The following PPP2R2B variants were observed in gnomAD, a reference collection of about 807,000 sequenced individuals.
The protein encoded by PPP2R2B is protein phosphatase 2 regulatory subunit Bbeta.
In PPP2R2B, 5 loss-of-function variants were observed where a neutral mutation model predicts 46.0. The ratio of observed to expected loss-of-function variants is 0.11; its 90% CI spans 0.06 to 0.23. PPP2R2B has a LOEUF of 0.23. PPP2R2B is among the 10% of genes least tolerant of loss of function. The pLI, the probability that PPP2R2B is intolerant of heterozygous loss-of-function variation, is 1.00. For synonymous variants in PPP2R2B, 215 were observed against 206.7 expected (o/e 1.04, Z -0.34); for missense variants, 367 against 575.0 (o/e 0.64, Z 3.70).
chr5:147,000,649 T>C (rs1482447452), intron 1 of PPP2R2B, among the ~76,000 whole-genome samples: 3 of 83,786 alleles, frequency 3.6e-5, no homozygotes, highest in Admixed American at 9.5e-5. Context: ...GGTGCAAAAG[T>C]AATTGTGGAT....
chr5:146,820,254 C>A (rs1758176121), intron 2 of PPP2R2B, among the ~76,000 whole-genome samples: 1 of 152,074 alleles, frequency 6.6e-6, no homozygotes, highest in Non-Finnish European at 1.5e-5. Flanking sequence ...ATGTTAATTA[C>A]CCTCATTTGA....
intron 2 of PPP2R2B, among the ~76,000 whole-genome samples, chr5:147,074,483 C>G (rs1757700571): frequency 6.6e-6 from 1 of 152,124 alleles, no homozygotes; most frequent in Non-Finnish European, 1.5e-5. Context: ...AACTAAACAT[C>G]TAAACATCTA....
chr5:146,844,261 C>G (rs368857856), intron 2 of PPP2R2B, among the ~76,000 whole-genome samples: 8 of 149,390 alleles, frequency 5.4e-5, no homozygotes, highest in Admixed American at 2.0e-4. Context: ...CTAGATGACA[C>G]GTTAGTGGGT....
At chr5:146,845,964 A>G (rs1455840628) in intron 2 of PPP2R2B, among the ~76,000 whole-genome samples, 1 of 152,236 alleles carries the variant, frequency 6.6e-6, no homozygotes, top group Non-Finnish European at 1.5e-5. Flanking sequence ...AATGTGCTGT[A>G]AGAGTAAAAT....
At chr5:146,868,167 A>G (rs996728888) in intron 2 of PPP2R2B, among the ~76,000 whole-genome samples, 2 of 152,226 alleles carry the variant, frequency 1.3e-5, no homozygotes, top group African/African-American at 4.8e-5. Context: ...TGTCTCCAGC[A>G]TTCATGCTGC....
At chr5:146,951,383 T>G (rs1751583940) in intron 1 of PPP2R2B, among the ~76,000 whole-genome samples, 1 of 151,938 alleles carries the variant, frequency 6.6e-6, no homozygotes, top group African/African-American at 2.4e-5. Flanking sequence ...AGTGTATATG[T>G]GCAGGATGTG....
intron 7 of PPP2R2B, among the ~76,000 whole-genome samples, chr5:146,626,823 T>C (rs541244968): frequency 1.7e-4 from 26 of 152,276 alleles, no homozygotes; most frequent in Admixed American, 5.9e-4. Context: ...GGGCAAGACC[T>C]GGGAAGGTGT....
chr5:146,745,693 C>T (rs1753146945), intron 2 of PPP2R2B, among the ~76,000 whole-genome samples: 1 of 152,140 alleles, frequency 6.6e-6, no homozygotes, highest in Non-Finnish European at 1.5e-5. Flanking sequence ...GTGGTGGTGG[C>T]TCACGCCTGT....
chr5:146,746,372 G>T (rs934977080), intron 2 of PPP2R2B, among the ~76,000 whole-genome samples: 2 of 77,200 alleles, frequency 2.6e-5, no homozygotes, highest in Admixed American at 3.0e-4. Context: ...ACAGCTTTTG[G>T]ACTGGGAGTT....
At chr5:146,998,936 C>G (rs538596877) in intron 1 of PPP2R2B, among the ~76,000 whole-genome samples, 1 of 148,602 alleles carries the variant, frequency 6.7e-6, no homozygotes, top group Non-Finnish European at 1.5e-5. Flanking sequence ...AGAGCGGGAA[C>G]CCGGGAGGCG....
chr5:146,771,471 G>C (rs1754851259), intron 2 of PPP2R2B, among the ~76,000 whole-genome samples: 1 of 152,108 alleles, frequency 6.6e-6, no homozygotes, highest in Admixed American at 6.5e-5. Context: ...TACTCAGATT[G>C]GGCTAAAATT....
At chr5:146,779,894 G>A (rs1755405001) in intron 2 of PPP2R2B, among the ~76,000 whole-genome samples, 1 of 152,120 alleles carries the variant, frequency 6.6e-6, no homozygotes, top group African/African-American at 2.4e-5. Context: ...ATGAAGCTGG[G>A]GATGAAGGTG....
intron 8 of PPP2R2B, among the ~76,000 whole-genome samples, chr5:146,594,640 T>C (rs1444179): frequency 6.6e-6 from 1 of 151,970 alleles, no homozygotes; most frequent in Non-Finnish European, 1.5e-5. Flanking sequence ...CACAGAGATA[T>C]GACATCATTT....
chr5:146,778,812 A>C (rs1372070996), intron 2 of PPP2R2B, among the ~76,000 whole-genome samples: 1 of 152,220 alleles, frequency 6.6e-6, no homozygotes, highest in African/African-American at 2.4e-5. Flanking sequence ...TCTAATCAAC[A>C]CATCTGTGCT....
intron 1 of PPP2R2B, among the ~76,000 whole-genome samples, chr5:146,990,943 C>T (rs779343901): frequency 3.9e-5 from 6 of 151,964 alleles, no homozygotes; most frequent in African/African-American, 9.6e-5. Context: ...AGAAGGTATA[C>T]GAATGGCCAA....
At chr5:146,705,254 C>T (rs1332926407) in intron 2 of PPP2R2B, among the ~76,000 whole-genome samples, 2 of 152,222 alleles carry the variant, frequency 1.3e-5, no homozygotes, top group Non-Finnish European at 2.9e-5. Context: ...TCTGCCTACT[C>T]AATACCTGGC....
intron 7 of PPP2R2B, among the ~76,000 whole-genome samples, chr5:146,621,916 C>A (rs1773730675): frequency 6.6e-6 from 1 of 152,150 alleles, no homozygotes. Context: ...GAGTAAGAGG[C>A]CTTTCCATCT....
upstream of PPP2R2B, among the ~76,000 whole-genome samples, chr5:146,883,280 G>C (rs1270014122): frequency 6.6e-6 from 1 of 152,188 alleles, no homozygotes; most frequent in East Asian, 1.9e-4. Context: ...GGTAAGGAAA[G>C]TGCTTAGTCC....
At chr5:147,022,232 G>A (rs1580815802) in intron 1 of PPP2R2B, among the ~76,000 whole-genome samples, 1 of 151,974 alleles carries the variant, frequency 6.6e-6, no homozygotes. Context: ...AGAGTAAAGC[G>A]TGGGCAGAAA....
Sources: allele counts gnomAD v4.1 joint callset (sites outside exome capture counted in the v4.1 genomes callset), GRCh38; gene constraint gnomAD v4.1.1; transcripts MANE v1.5; gene names NCBI Gene and HGNC (gene_info 2026-07-23, HGNC 2026-07-21).